The following CCDC178 variants were observed in gnomAD, a reference collection of about 807,000 sequenced individuals.
CCDC178 encodes the protein coiled-coil domain-containing protein 178.
A neutral mutation model predicts 117.4 loss-of-function variants in CCDC178; 126 were observed. The observed-to-expected ratio is 1.07, with a 90% confidence interval of 0.93 to 1.24. The LOEUF (loss-of-function observed/expected upper bound fraction) is 1.24, where lower values mean the gene tolerates loss of function less well. Ranked by LOEUF, CCDC178 falls within the 50% of genes most tolerant of loss-of-function variation. The pLI, the probability that CCDC178 is intolerant of heterozygous loss-of-function variation, is 0.00. For missense variants in CCDC178, 1,030 were observed against 986.9 expected (o/e 1.04, Z -0.59); for synonymous variants, 283 against 313.4 (o/e 0.90, Z 1.02).
intron 10 of CCDC178, among the ~76,000 whole-genome samples, chr18:33,326,284 T>G (rs916059045): frequency 1.3e-5 from 2 of 152,116 alleles, no homozygotes; most frequent in African/African-American, 2.4e-5. Context: ...GTGTCCCTAC[T>G]TGTCTGGGGC....
intron 7 of CCDC178, among the ~76,000 whole-genome samples, chr18:33,355,263 A>G (rs1193081857): frequency 6.6e-6 from 1 of 152,188 alleles, no homozygotes; most frequent in Non-Finnish European, 1.5e-5. Flanking sequence ...TTGTTTGTTT[A>G]GTGACTCTTC....
At position 33,401,853 on chromosome 18, in the gene CCDC178, A is replaced by G. The variant is rs189667541; in HGVS notation, c.59-4645T>C. On this transcript the variant is annotated intron_variant, in intron 3 of 22. Transcript: ENST00000383096. Reference sequence around the variant, plus strand: ...TAACTATTAACAATCCATCATCAGAAGGTCCAAATGAGAGAAGATTAAATA... The same window carrying G: ...TAACTATTAACAATCCATCATCAGAGGGTCCAAATGAGAGAAGATTAAATA... 1.3e-4 allele frequency among the ~76,000 whole-genome samples: 20 copies of G among 152,210 alleles called. No individual in the cohort carries two copies. The East Asian group carries it at 3.7e-3, about 28-fold the overall frequency.
At chr18:32,978,747 A>C (rs2055079701) in intron 21 of CCDC178, among the ~76,000 whole-genome samples, 3 of 152,206 alleles carry the variant, frequency 2.0e-5, no homozygotes, top group African/African-American at 7.2e-5. Context: ...TATAAGAGTT[A>C]GAGAAAAGGC....
At chr18:33,287,567 T>A (rs913048943) in intron 12 of CCDC178, among the ~76,000 whole-genome samples, 2 of 151,902 alleles carry the variant, frequency 1.3e-5, no homozygotes, top group Non-Finnish European at 2.9e-5. Flanking sequence ...TCACCTGAGG[T>A]CAGGAGTTCA....
chr18:33,063,937 A>C (rs2056971110), intron 21 of CCDC178, among the ~76,000 whole-genome samples: 1 of 152,188 alleles, frequency 6.6e-6, no homozygotes, highest in African/African-American at 2.4e-5. Context: ...ATTACAGCCA[A>C]ATAAATCATA....
At chr18:33,115,798 C>A (rs2145144557) in intron 20 of CCDC178, among the ~76,000 whole-genome samples, 1 of 152,142 alleles carries the variant, frequency 6.6e-6, no homozygotes, top group East Asian at 1.9e-4. Context: ...GTTAATCGTT[C>A]TGCCTCAGTC....
At chr18:33,160,973 C>A (rs1046121144) in intron 20 of CCDC178, among the ~76,000 whole-genome samples, 4 of 152,102 alleles carry the variant, frequency 2.6e-5, no homozygotes, top group Admixed American at 2.6e-4. Context: ...GCAACAATGT[C>A]CCCAAAATAT....
intron 21 of CCDC178, among the ~76,000 whole-genome samples, chr18:32,984,762 A>G (rs2055227448): frequency 6.6e-6 from 1 of 152,034 alleles, no homozygotes; most frequent in Non-Finnish European, 1.5e-5. Context: ...TAATTGTTCA[A>G]AAATGGTTGA....
chr18:33,214,999 T>A (rs1214722145), intron 19 of CCDC178, among the ~76,000 whole-genome samples: 1 of 151,932 alleles, frequency 6.6e-6, no homozygotes, highest in African/African-American at 2.4e-5. Context: ...GAAGAGTAAA[T>A]AAGTTTTAGG....
At chr18:33,237,900 C>A (rs2059444655) in intron 15 of CCDC178, among the ~76,000 whole-genome samples, 1 of 152,204 alleles carries the variant, frequency 6.6e-6, no homozygotes, top group Non-Finnish European at 1.5e-5. Context: ...CCCCAGTGAG[C>A]CAGACCCTAA....
chr18:33,414,013 T>C (rs1433357452), intron 2 of CCDC178, among the ~76,000 whole-genome samples: 1 of 152,162 alleles, frequency 6.6e-6, no homozygotes, highest in Non-Finnish European at 1.5e-5. Context: ...ACATACAAAA[T>C]GACTATGTAA....
chr18:33,147,952 G>A (rs1297779337), intron 20 of CCDC178, among the ~76,000 whole-genome samples: 13 of 151,772 alleles, frequency 8.6e-5, no homozygotes, highest in African/African-American at 3.1e-4. Context: ...CCAGGCAGAG[G>A]CGCCCCCACC....
chr18:33,086,031 C>A (rs1337793443), intron 21 of CCDC178, among the ~76,000 whole-genome samples: 2 of 151,858 alleles, frequency 1.3e-5, no homozygotes, highest in Non-Finnish European at 2.9e-5. Context: ...AATTGAAAAT[C>A]AATTGCAGTT....
chr18:33,051,813 A>G (rs2144929249), intron 21 of CCDC178, among the ~76,000 whole-genome samples: 1 of 152,330 alleles, frequency 6.6e-6, no homozygotes, highest in East Asian at 1.9e-4. Context: ...TGTATTTTAT[A>G]TAAAAATGCT....
chr18:33,254,168 T>A (rs2059650346), intron 14 of CCDC178, among the ~76,000 whole-genome samples: 3 of 150,196 alleles, frequency 2.0e-5, no homozygotes, highest in African/African-American at 7.4e-5. Context: ...ACGGAGATAC[T>A]GAAGCAAAGG....
At chr18:33,393,478 T>C (rs1351518257) in intron 4 of CCDC178, among the ~76,000 whole-genome samples, 4 of 152,150 alleles carry the variant, frequency 2.6e-5, no homozygotes, top group Admixed American at 6.6e-5. Context: ...GAAAAAATTT[T>C]CATCACCCCT....
chr18:33,270,184 G>A (rs1365877667), intron 12 of CCDC178, among the ~76,000 whole-genome samples: 1 of 150,564 alleles, frequency 6.6e-6, no homozygotes, highest in Non-Finnish European at 1.5e-5. Flanking sequence ...AGATTATCTA[G>A]ACTAAAGAAC....
chr18:33,376,743 G>A (rs1181820952), intron 5 of CCDC178, among the ~76,000 whole-genome samples: 6 of 152,058 alleles, frequency 3.9e-5, no homozygotes, highest in Non-Finnish European at 8.8e-5. Flanking sequence ...TAGGATAATG[G>A]CTTCCAGTTG....
intron 20 of CCDC178, among the ~76,000 whole-genome samples, chr18:33,190,492 T>C (rs1004221719): frequency 6.6e-6 from 1 of 152,204 alleles, no homozygotes; most frequent in Admixed American, 6.5e-5. Flanking sequence ...TTCCTTTCTA[T>C]AATTTTGTTT....
Sources: allele counts gnomAD v4.1 joint callset (sites outside exome capture counted in the v4.1 genomes callset), GRCh38; gene constraint gnomAD v4.1.1; transcripts MANE v1.5; gene names NCBI Gene and HGNC (gene_info 2026-07-23, HGNC 2026-07-21).